Variants in SMCHD1 observed in about 807,000 individuals in gnomAD.
The protein encoded by SMCHD1 is structural maintenance of chromosomes flexible hinge domain containing 1.
Under a neutral mutation model 254.7 loss-of-function variants are expected in SMCHD1, and 78 were observed. The ratio of observed to expected loss-of-function variants is 0.31; its 90% CI spans 0.26 to 0.37. The LOEUF (loss-of-function observed/expected upper bound fraction) is 0.37. Among genes scored for constraint, SMCHD1 ranks in the 10% least tolerant of loss-of-function variants. The pLI, the probability that SMCHD1 is intolerant of heterozygous loss-of-function variation, is 1.00. For missense variants in SMCHD1, 1,840 were observed against 2,408.1 expected (o/e 0.76, Z 4.94); for synonymous variants, 766 against 794.9 (o/e 0.96, Z 0.61).
chr18:2,783,663 C>T (rs2076194161), intron 44 of SMCHD1, among the ~76,000 whole-genome samples: 1 of 152,002 alleles, frequency 6.6e-6, no homozygotes, highest in Non-Finnish European at 1.5e-5. Context: ...ACCTCCGCCT[C>T]CTGGATTCAA....
At chr18:2,725,048 T>C in intron 21 of SMCHD1, 53 bp downstream of exon 21, 1 of 1,069,008 alleles carries the variant, frequency 9.4e-7, no homozygotes, top group African/African-American at 1.6e-5. Flanking sequence ...ATTTATCATA[T>C]GGTAAGAATG....
Position 2,728,564 on chromosome 18 carries a change from A to G in SMCHD1, c.2881A>G (p.Thr961Ala), listed in dbSNP as rs2075070106. ...AGTTTTAGATGAATCAGACAACATA[A>G]CAGCACAACCAAAATTGATTGTTCA... ...VEVLDESDNI[T>A]AQPKLIVHCK... Residue 961 changes from threonine to alanine, a missense_variant, in exon 23 of 48, where the codon ACA becomes GCA. Physicochemically the swap from Thr to Ala is moderately conservative, Grantham distance 58. Around this residue, in one of 9 missense-constraint regions of SMCHD1, gnomAD observed 881 missense variants for 1,009.5 expected, o/e 0.87. Transcript: ENST00000320876. The G allele has an allele frequency of 1.2e-6, 2 of 1,613,098 alleles. No homozygotes were observed. Among genetic ancestry groups the G allele is most frequent in the Admixed American group, 3.3e-5 (2 of 59,944 alleles).
At chr18:2,658,804 A>T (rs1244925734) in intron 1 of SMCHD1, among the ~76,000 whole-genome samples, 1 of 151,772 alleles carries the variant, frequency 6.6e-6, no homozygotes, top group African/African-American at 2.4e-5. Context: ...TCCAAAGCTT[A>T]TGTATACATA....
At position 2,705,700 on chromosome 18, in the gene SMCHD1, A is replaced by T; in HGVS notation, c.1849A>T (p.Thr617Ser). The T allele has an allele frequency of 1.3e-6, 2 of 1,533,690 alleles. No individual in the cohort carries two copies. Among genetic ancestry groups the T allele is most frequent in the Non-Finnish European group, 1.8e-6 (2 of 1,116,414 alleles). ...KIYKAGQLVK[T>S]IKTLPLFYGS... ...TTTAAAAACTAAATATTAGGTCAAG[A>T]CAATCAAGACACTTCCCCTCTTTTA... Residue 617 changes from threonine (T) to serine (S), a missense_variant, in exon 14 of 48, where the codon ACA becomes TCA. By Grantham distance (58) the Thr-to-Ser change is moderately conservative. This residue lies in a region of SMCHD1 where 498 missense variants were observed against 743.5 expected (regional missense o/e 0.67). Coordinates refer to ENST00000320876, the MANE Select transcript of SMCHD1 (RefSeq NM_015295.3).
intron 45 of SMCHD1, among the ~76,000 whole-genome samples, chr18:2,791,220 T>C (rs962371627): frequency 2.0e-5 from 3 of 152,060 alleles, no homozygotes; most frequent in African/African-American, 7.2e-5. Context: ...GAAAAATAAA[T>C]ATGAATGAAT....
At chr18:2,657,145 AGC>A (rs1294766888) in intron 1 of SMCHD1, among the ~76,000 whole-genome samples, 3 of 152,204 alleles carry the variant, frequency 2.0e-5, no homozygotes, top group Non-Finnish European at 4.4e-5. Context: ...AGAACTTTGA[AGC>A]CGTGTTTTGT....
intron 28 of SMCHD1, among the ~76,000 whole-genome samples, chr18:2,741,754 A>G (rs187372067): frequency 7.9e-5 from 12 of 152,250 alleles, no homozygotes; most frequent in Admixed American, 5.2e-4. Flanking sequence ...CCTGCTTCCT[A>G]TCACTCTGCG....
At position 2,718,543 on chromosome 18, in the gene SMCHD1, C is replaced by A; in HGVS notation, c.2458+109C>A. The A allele has an allele frequency of 1.1e-6, 1 of 938,746 alleles. No homozygotes were observed. Among genetic ancestry groups the A allele is most frequent in the Non-Finnish European group, 1.5e-6 (1 of 657,438 alleles). 58.2% of individuals were successfully genotyped at this position (938,746 alleles called of 1,614,324 possible). On this transcript the variant is annotated intron_variant, in intron 19 of 47. Transcript: ENST00000320876. The surrounding 1 kb of genome is among the most constrained non-coding windows in gnomAD (Gnocchi z 4.6). ...GATGTTTGAACAATTGGGTAACCATCTCGATTTTATTTTATTTTCTTACTT... is the reference window on the plus strand; with the variant it reads ...GATGTTTGAACAATTGGGTAACCATATCGATTTTATTTTATTTTCTTACTT...
rs1237135773 is a variant in SMCHD1, at chr18:2,718,417, T to C, written c.2441T>C (p.Ile814Thr). Reference protein sequence around the residue: ...YAGRPLPSKAIKFSVKEGKPE... With the variant: ...YAGRPLPSKATKFSVKEGKPE... Reference sequence around the variant, plus strand: ...GGAAGACCACTACCATCTAAAGCAATTAAGTTTTCTGTTAAAGGTAAGCAA... The same window carrying C: ...GGAAGACCACTACCATCTAAAGCAACTAAGTTTTCTGTTAAAGGTAAGCAA... The change falls in exon 19 of 48, where the codon ATT becomes ACT. Residue 814 changes from isoleucine (I) to threonine (T), a missense_variant. By Grantham distance (89) the Ile-to-Thr change is moderately conservative. This residue lies in a region of SMCHD1 where 59 missense variants were observed against 99.2 expected (regional missense o/e 0.59). Coordinates refer to ENST00000320876, the MANE Select transcript of SMCHD1 (RefSeq NM_015295.3). This position sits in a 1 kb window ranked among gnomAD's most constrained non-coding sequence, Gnocchi z 4.6. 2 of 1,608,106 alleles carry C rather than the reference T, an allele frequency of 1.2e-6. No homozygotes were observed. Among genetic ancestry groups the C allele is most frequent in the Non-Finnish European group, 1.7e-6 (2 of 1,177,816 alleles).
At chr18:2,680,478 A>G (rs1362384959) in intron 5 of SMCHD1, among the ~76,000 whole-genome samples, 1 of 152,156 alleles carries the variant, frequency 6.6e-6, no homozygotes, top group Non-Finnish European at 1.5e-5. Context: ...TAAGTCTCCC[A>G]GCTTTTGCTG....
At chr18:2,717,479 TA>T (rs779082915) in intron 17 of SMCHD1, among the ~76,000 whole-genome samples, 47 of 152,168 alleles carry the variant, frequency 3.1e-4, no homozygotes, top group Admixed American at 1.5e-3. Context: ...TGGGACTGCT[TA>T]GCCGGACCAT....
rs543492002 is a variant in SMCHD1 at position 2,693,724 on chromosome 18, C to T, written c.874-803C>T. On this transcript the variant is annotated intron_variant, in intron 7 of 47. Coordinates refer to ENST00000320876, the MANE Select transcript of SMCHD1 (RefSeq NM_015295.3). ...TTGGCTCACTGCAACCTCAGCCTCCCGGGCTCAAGCGATTCTCCTGCCTCA... is the reference window on the plus strand; with the variant it reads ...TTGGCTCACTGCAACCTCAGCCTCCTGGGCTCAAGCGATTCTCCTGCCTCA... Among the ~76,000 whole-genome samples the T allele has an allele frequency of 1.5e-4, 23 of 152,270 alleles. No homozygotes were observed. In the South Asian group the frequency reaches 3.9e-3, roughly 26 times the overall value.
At chr18:2,686,996 C>G (rs565675166) in intron 5 of SMCHD1, among the ~76,000 whole-genome samples, 2 of 152,076 alleles carry the variant, frequency 1.3e-5, no homozygotes, top group South Asian at 4.1e-4. Context: ...ATATTTTAGA[C>G]TTTATATCTT....
At chr18:2,723,268 T>G (rs2074963000) in intron 20 of SMCHD1, among the ~76,000 whole-genome samples, 1 of 152,096 alleles carries the variant, frequency 6.6e-6, no homozygotes, top group Non-Finnish European at 1.5e-5. Context: ...ATGGTTAGGG[T>G]TTTTTTAAAA....
chr18:2,780,831 G>A (rs1393375627), intron 44 of SMCHD1, among the ~76,000 whole-genome samples: 2 of 152,164 alleles, frequency 1.3e-5, no homozygotes, highest in African/African-American at 2.4e-5. Flanking sequence ...TGGTTCCAGC[G>A]TATCACTAGG....
rs1048742386 is a variant in SMCHD1, at chr18:2,756,572, C to G, written c.4346+4020C>G. 3.3e-5 allele frequency among the ~76,000 whole-genome samples: 5 copies of G among 152,260 alleles called. No homozygotes were observed. The South Asian group carries it at 1.0e-3, about 32-fold the overall frequency. On this transcript the variant is annotated intron_variant, in intron 34 of 47. Transcript: ENST00000320876. ...CTATTTGTATTTCCTGTCTCTTGCTCAGTTTTGATATCTTGTAATTATCAA... is the reference window on the plus strand; with the variant it reads ...CTATTTGTATTTCCTGTCTCTTGCTGAGTTTTGATATCTTGTAATTATCAA...
At chr18:2,675,439 A>G (rs1159206378) in intron 5 of SMCHD1, among the ~76,000 whole-genome samples, 1 of 151,678 alleles carries the variant, frequency 6.6e-6, no homozygotes, top group East Asian at 1.9e-4. Context: ...TATTTTTTGT[A>G]TGTTTAGTAG....
chr18:2,747,461 G>A (rs2075476883), intron 29 of SMCHD1, 61 bp from the exon 30 acceptor site: 1 of 1,402,494 alleles, frequency 7.1e-7, no homozygotes, highest in Non-Finnish European at 9.7e-7. Context: ...AAATATACAA[G>A]TAATTGCATT....
chr18:2,708,106 AAAAAT>A (rs1462334559), intron 17 of SMCHD1, among the ~76,000 whole-genome samples, 186 bp downstream of exon 17: 1 of 152,154 alleles, frequency 6.6e-6, no homozygotes, highest in Non-Finnish European at 1.5e-5. Flanking sequence ...AAGGTTTTTA[AAAAAT>A]ACTTCATCTT....
Sources: allele counts gnomAD v4.1 joint callset (sites outside exome capture counted in the v4.1 genomes callset), GRCh38; gene constraint gnomAD v4.1.1; regional missense constraint gnomAD v4.1.1; non-coding constraint Gnocchi (gnomAD v3.1); transcripts MANE v1.5; gene names NCBI Gene and HGNC (gene_info 2026-07-23, HGNC 2026-07-21).